Variants in DLGAP2 observed in about 807,000 individuals in gnomAD.
The protein encoded by DLGAP2 is disks large-associated protein 2.
DLGAP2 carries 26 observed loss-of-function variants against 100.3 expected under a neutral mutation model. The observed-to-expected ratio is 0.26, with a 90% CI of 0.19 to 0.36. The LOEUF (loss-of-function observed/expected upper bound fraction) is 0.36, where lower values mean the gene tolerates loss of function less well. Ranked by LOEUF, DLGAP2 falls within the 10% of genes least tolerant of loss-of-function variation. The pLI, the probability that DLGAP2 is intolerant of heterozygous loss-of-function variation, is 1.00. For missense variants in DLGAP2, 1,858 were observed against 1,453.2 expected, an observed-to-expected ratio of 1.28 and a Z score of -4.53; for synonymous variants, 886 against 630.1, an observed-to-expected ratio of 1.41 and a Z score of -6.08.
intron 3 of DLGAP2, among the ~76,000 whole-genome samples, chr8:1,449,980 G>GT (rs1563156414): frequency 1.7e-5 from 1 of 57,950 alleles, no homozygotes; most frequent in Admixed American, 1.5e-4. Context: ...CTCGGTGACT[G>GT]AGGCGGAGCT....
chr8:818,435 C>T (rs571670432), intron 1 of DLGAP2, among the ~76,000 whole-genome samples: 1 of 152,162 alleles, frequency 6.6e-6, no homozygotes, highest in African/African-American at 2.4e-5. Context: ...CCCTGAACCA[C>T]GAACCTCCCC....
chr8:1,299,585 C>A lies in DLGAP2; in HGVS notation c.106+40702C>A, dbSNP rs957632843. Among the ~76,000 whole-genome samples, 3 of 152,338 alleles carry A rather than the reference C, an allele frequency of 2.0e-5. No individual in the cohort carries two copies. In the East Asian group the frequency reaches 5.8e-4, roughly 29 times the overall value. Reference sequence around the variant, plus strand: ...CTCGCACCTTTGGCTCAGTAACTAGCAGATTCGTTCCTGCTGGGATATTCA... The same window carrying A: ...CTCGCACCTTTGGCTCAGTAACTAGAAGATTCGTTCCTGCTGGGATATTCA... On this transcript the variant is annotated intron_variant, in intron 3 of 14. Coordinates refer to ENST00000637795, the MANE Select transcript of DLGAP2 (RefSeq NM_001346810.2).
rs139448640 is a variant in DLGAP2 at position 1,423,423 on chromosome 8, G to A, written c.107-77943G>A. 8.3e-3 allele frequency among the ~76,000 whole-genome samples: 1,263 copies of A among 152,254 alleles called. 10 individuals are homozygous for A. Among genetic ancestry groups the A allele is most frequent in the South Asian group, 0.015 (74 of 4,822 alleles). ...TTTGCATTTCCCACCACATCCCATA[G>A]CCCACTTTGTGCTCCGCGAGGTCTG... On this transcript the variant is annotated intron_variant, in intron 3 of 14. Transcript: ENST00000637795.
At chr8:748,380 G>A (rs1820705199) in intron 1 of DLGAP2, among the ~76,000 whole-genome samples, 1 of 152,052 alleles carries the variant, frequency 6.6e-6, no homozygotes, top group African/African-American at 2.4e-5. Context: ...GAGGTCCACA[G>A]AGCCAGCTCA....
chr8:1,513,992 C>T (rs1800271387), intron 4 of DLGAP2, among the ~76,000 whole-genome samples: 1 of 152,240 alleles, frequency 6.6e-6, no homozygotes, highest in South Asian at 2.1e-4. Flanking sequence ...GCTCACACAT[C>T]CCCTCCCCTT....
At chr8:1,561,576 G>A (rs990327084) in intron 5 of DLGAP2, among the ~76,000 whole-genome samples, 1 of 152,172 alleles carries the variant, frequency 6.6e-6, no homozygotes, top group African/African-American at 2.4e-5. Context: ...CGTGGTGCTA[G>A]GGTGTCACTG....
chr8:1,457,704 C>T (rs1021907100), intron 3 of DLGAP2, among the ~76,000 whole-genome samples: 6 of 151,938 alleles, frequency 3.9e-5, no homozygotes, highest in Non-Finnish European at 8.8e-5. Flanking sequence ...CAAAGCATAA[C>T]TTCCTTCATG....
chr8:1,469,186 C>T (rs1039777641), intron 3 of DLGAP2, among the ~76,000 whole-genome samples: 3 of 152,248 alleles, frequency 2.0e-5, no homozygotes, highest in African/African-American at 4.8e-5. Flanking sequence ...GCAGATCCTC[C>T]AGTCCTGGGG....
chr8:1,512,261 A>C (rs568998508), intron 4 of DLGAP2, among the ~76,000 whole-genome samples: 41 of 152,378 alleles, frequency 2.7e-4, no homozygotes, highest in African/African-American at 9.9e-4. Context: ...TCAAAGAAAC[A>C]AATGTCCCAT....
At chr8:902,271 T>C (rs1798268051) in intron 1 of DLGAP2, among the ~76,000 whole-genome samples, 1 of 151,750 alleles carries the variant, frequency 6.6e-6, no homozygotes, top group Non-Finnish European at 1.5e-5. Context: ...TGAGCCCCCA[T>C]GGTATCTGGC....
intron 2 of DLGAP2, among the ~76,000 whole-genome samples, chr8:1,053,369 C>CAAGT (rs779602260): frequency 2.6e-4 from 39 of 152,048 alleles, no homozygotes; most frequent in Non-Finnish European, 4.6e-4. Flanking sequence ...ACAGGCAGTA[C>CAAGT]AAGTGATGAG....
intron 8 of DLGAP2, among the ~76,000 whole-genome samples, chr8:1,650,480 G>A (rs1314845770): frequency 6.6e-6 from 1 of 152,226 alleles, no homozygotes. Context: ...CGCTTATTCT[G>A]TGTGTGCGAT....
At chr8:1,578,407 C>A (rs1803082954) in intron 6 of DLGAP2, among the ~76,000 whole-genome samples, 1 of 152,174 alleles carries the variant, frequency 6.6e-6, no homozygotes, top group South Asian at 2.1e-4. Context: ...GCTCTGGGCA[C>A]CTGCGTTGAC....
chr8:1,512,331 T>C (rs1013629365), intron 4 of DLGAP2, among the ~76,000 whole-genome samples: 1 of 152,208 alleles, frequency 6.6e-6, no homozygotes, highest in African/African-American at 2.4e-5. Context: ...ATCAAAGTTG[T>C]TTATTTCACA....
chr8:949,460 G>T (rs1005270265), intron 2 of DLGAP2, among the ~76,000 whole-genome samples: 5 of 152,084 alleles, frequency 3.3e-5, no homozygotes, highest in African/African-American at 1.2e-4. Flanking sequence ...TCTGCAAGAG[G>T]AGCCCTGGGC....
chr8:769,790 A>G (rs556779713), intron 1 of DLGAP2, among the ~76,000 whole-genome samples: 2 of 152,230 alleles, frequency 1.3e-5, no homozygotes, highest in East Asian at 1.9e-4. Flanking sequence ...TGACAACTCA[A>G]TGGGAACAGA....
At chr8:1,168,183 C>T (rs1563227080) in intron 2 of DLGAP2, among the ~76,000 whole-genome samples, 1 of 151,734 alleles carries the variant, frequency 6.6e-6, no homozygotes, top group South Asian at 2.1e-4. Flanking sequence ...TTTCCAATTT[C>T]ATCCATGTCC....
chr8:805,861 G>T (rs538396991), intron 1 of DLGAP2, among the ~76,000 whole-genome samples: 2 of 152,162 alleles, frequency 1.3e-5, no homozygotes, highest in Admixed American at 6.5e-5. Context: ...CTAATGTCCC[G>T]TACACGTCTT....
chr8:833,124 G>A lies in DLGAP2; in HGVS notation c.19-74788G>A, dbSNP rs527994635. 1.1e-4 allele frequency among the ~76,000 whole-genome samples: 16 copies of A among 152,292 alleles called. 1 individual carries two copies. Among genetic ancestry groups the A allele is most frequent in the African/African-American group, 3.9e-4 (16 of 41,552 alleles). ...CCTGTCTTCATGCTGTGTTCACAGTGTTTCTAAAAAATGGCAGACATATGA... is the reference window on the plus strand; with the variant it reads ...CCTGTCTTCATGCTGTGTTCACAGTATTTCTAAAAAATGGCAGACATATGA... On this transcript the variant is annotated intron_variant, in intron 1 of 14. Transcript: ENST00000637795.
Sources: gnomAD v4.1 joint callset for allele counts (sites outside exome capture counted in the v4.1 genomes callset) on GRCh38, gnomAD v4.1.1 for gene constraint, MANE v1.5 for transcripts, NCBI Gene and HGNC (gene_info 2026-07-23, HGNC 2026-07-21) for gene names.